Variants in NAV2 observed in about 807,000 individuals in gnomAD.
The protein encoded by NAV2 is neuron navigator 2, also known as helicase, APC down-regulated 1.
In NAV2, 54 loss-of-function variants were observed where a neutral mutation model predicts 223.2. The observed-to-expected ratio is 0.24, with a 90% CI of 0.19 to 0.30. NAV2 has a LOEUF of 0.30. Among genes scored for constraint, NAV2 ranks in the 10% least tolerant of loss-of-function variants. The pLI is 1.00. For synonymous variants in NAV2, 1,279 were observed against 1,239.3 expected, an observed-to-expected ratio of 1.03 and a Z score of -0.67; for missense variants, 2,806 against 3,147.5, an observed-to-expected ratio of 0.89 and a Z score of 2.60.
At chr11:19,514,925 G>A (rs1280246342) in intron 1 of NAV2, among the ~76,000 whole-genome samples, 1 of 152,078 alleles carries the variant, frequency 6.6e-6, no homozygotes, top group Non-Finnish European at 1.5e-5. Flanking sequence ...TCCACCCTTC[G>A]TTTCAAAATG....
intron 4 of NAV2, among the ~76,000 whole-genome samples, chr11:19,873,531 G>A (rs1565471582): frequency 6.6e-6 from 1 of 152,136 alleles, no homozygotes; most frequent in African/African-American, 2.4e-5. Context: ...AGGAGTGTAT[G>A]CTTTGAAGTG....
At chr11:19,824,439 C>T (rs1403127873) in intron 1 of NAV2, among the ~76,000 whole-genome samples, 1 of 152,178 alleles carries the variant, frequency 6.6e-6, no homozygotes, top group Non-Finnish European at 1.5e-5. Flanking sequence ...TGGGGCACTG[C>T]AGGGACATTG....
intron 5 of NAV2, among the ~76,000 whole-genome samples, chr11:19,888,219 A>G (rs556323003): frequency 6.6e-6 from 1 of 152,312 alleles, no homozygotes; most frequent in Non-Finnish European, 1.5e-5. Context: ...GTTTGGACAT[A>G]CAGTGATTAT....
chr11:20,090,637 G>A lies in NAV2; in HGVS notation c.5499-228G>A, dbSNP rs76556609. Reference sequence around the variant, plus strand: ...TAAATAATAATCTAACTATATTAACGATTTTAAACATCAGTGGTCTAAATA... The same window carrying A: ...TAAATAATAATCTAACTATATTAACAATTTTAAACATCAGTGGTCTAAATA... On this transcript the variant is annotated intron_variant, in intron 26 of 37. Transcript: ENST00000349880. Among the ~76,000 whole-genome samples, 66 of 152,186 alleles carry A rather than the reference G, an allele frequency of 4.3e-4. 2 individuals are homozygous for A. The East Asian group carries it at 0.012, about 29-fold the overall frequency.
chr11:20,068,302 C>A, intron 21 of NAV2, 22 bp from the exon 22 acceptor site: 3 of 1,612,936 alleles, frequency 1.9e-6, no homozygotes, highest in Middle Eastern at 1.6e-4. Context: ...AAGCATGTAA[C>A]CCTCTCCCTT....
chr11:19,930,202 C>G (rs2045197704), intron 6 of NAV2, among the ~76,000 whole-genome samples: 1 of 152,090 alleles, frequency 6.6e-6, no homozygotes. Flanking sequence ...TGATATAAAC[C>G]AGGCCTGAGA....
intron 36 of NAV2, among the ~76,000 whole-genome samples, chr11:20,108,606 CTTTT>C (rs5790107): frequency 1.6e-5 from 2 of 121,756 alleles, no homozygotes; most frequent in Non-Finnish European, 3.6e-5. Context: ...CCACACCTGG[CTTTT>C]TTTTTTTTTT....
chr11:19,383,150 C>G (rs912258489), intron 1 of NAV2, among the ~76,000 whole-genome samples: 14 of 152,208 alleles, frequency 9.2e-5, no homozygotes, highest in African/African-American at 3.4e-4. Context: ...ACTAGCATCT[C>G]TATTCTCTCT....
chr11:19,346,647 C>T (rs890207483), upstream of NAV2, among the ~76,000 whole-genome samples: 2 of 152,190 alleles, frequency 1.3e-5, no homozygotes, highest in Admixed American at 6.5e-5. Context: ...GAGCACGCTC[C>T]GCTCGCTCGC....
At chr11:19,541,159 G>T (rs775861399) in intron 1 of NAV2, among the ~76,000 whole-genome samples, 57 of 152,300 alleles carry the variant, frequency 3.7e-4, no homozygotes, top group Non-Finnish European at 6.8e-4. Context: ...ACATGTAATT[G>T]GTTCTTGCAT....
intron 1 of NAV2, among the ~76,000 whole-genome samples, chr11:19,658,434 C>G (rs2048185333): frequency 6.6e-6 from 1 of 152,196 alleles, no homozygotes; most frequent in Non-Finnish European, 1.5e-5. Flanking sequence ...CAAGGTCACA[C>G]AGCTGGAAGG....
intron 1 of NAV2, among the ~76,000 whole-genome samples, chr11:19,704,807 T>C (rs1165166308): frequency 1.3e-5 from 2 of 151,776 alleles, no homozygotes; most frequent in East Asian, 3.9e-4. Flanking sequence ...GGTCAGGAGA[T>C]CAAGACCATC....
chr11:19,832,986 G>A (rs1027769282), intron 2 of NAV2, among the ~76,000 whole-genome samples: 2 of 152,140 alleles, frequency 1.3e-5, no homozygotes, highest in African/African-American at 2.4e-5. Flanking sequence ...AAAAAGTAAC[G>A]TGGGGCTGGT....
Position 20,055,916 on chromosome 11 carries a change from C to G in NAV2, c.4790C>G (p.Thr1597Ser). ...SSMSLDEKSR[T>S]MSRSGSFRDG... is the part of the protein sequence containing the mutation. ...ATGTCCCTGGATGAGAAGAGCAGAA[C>G]CATGAGCCGTTCAGGCTCATTCCGG... The change falls in exon 19 of 38, where the codon ACC (threonine) becomes AGC (serine). Residue 1597 changes from threonine (T) to serine (S), a missense_variant. This residue lies in a region of NAV2 where 824 missense variants were observed against 1,069.4 expected (regional missense o/e 0.77). Transcript: ENST00000349880. The G allele has an allele frequency of 6.2e-7, 1 of 1,614,118 alleles. No homozygotes were observed. The highest frequency in any genetic ancestry group is 1.1e-5 in the South Asian group (1 of 91,082).
chr11:19,935,849 C>CTTTTTTTTTT (rs1565594361), intron 7 of NAV2, among the ~76,000 whole-genome samples: 2 of 69,436 alleles, frequency 2.9e-5, no homozygotes, highest in Non-Finnish European at 6.7e-5. Context: ...TGTTTTGTTT[C>CTTTTTTTTTT]TGTTTTTTTT....
In NAV2 at chr11:19,842,909, A is replaced by G. The variant is rs1234358346; in HGVS notation, c.424A>G (p.Asn142Asp). Residue 142 changes from asparagine (N) to aspartate (D), a missense_variant, in exon 3 of 38, where the codon AAC (asparagine) becomes GAC (aspartate). Asn to Asp is a conservative substitution (Grantham distance 23). Transcript: ENST00000349880. ...TGAAGACATCAATGGCTGTCCGAAG[A>G]ACAGATCCCAAATGGTAAGTGGTGC... ...KIEDINGCPK[N>D]RSQMIENIDA... 6.2e-7 allele frequency: 1 copy of G among 1,613,984 alleles called. No homozygotes were observed. Among genetic ancestry groups the G allele is most frequent in the Admixed American group, 1.7e-5 (1 of 60,020 alleles).
At chr11:19,374,477 C>T (rs1342450215) in intron 1 of NAV2, among the ~76,000 whole-genome samples, 1 of 152,158 alleles carries the variant, frequency 6.6e-6, no homozygotes. Context: ...TCTGGCAACA[C>T]ATATGACACA....
chr11:20,045,019 C>T lies in NAV2; in HGVS notation c.3251C>T (p.Ala1084Val). 6.2e-7 allele frequency: 1 copy of T among 1,614,004 alleles called. No homozygotes were observed. The highest frequency in any genetic ancestry group is 8.5e-7 in the Non-Finnish European group (1 of 1,179,990). The change falls in exon 14 of 38, where the codon GCC becomes GTC. Residue 1084 changes from alanine to valine, a missense_variant. Ala to Val is a moderately conservative substitution (Grantham distance 64). This residue lies in a region of NAV2 where 742 missense variants were observed against 777.9 expected (regional missense o/e 0.95). Transcript: ENST00000349880. ...VSEKGRLSPK[A>V]SQVKRSPSDA... ...GAGAAAGGAAGGCTTTCTCCTAAAG[C>T]CTCCCAGGTGAAGCGCTCCCCATCA...
At chr11:20,036,292 G>A (rs189909932) in intron 12 of NAV2, among the ~76,000 whole-genome samples, 195 bp downstream of exon 12, 1 of 152,342 alleles carries the variant, frequency 6.6e-6, no homozygotes, top group African/African-American at 2.4e-5. Flanking sequence ...GCAGCGGATG[G>A]TGGACACGGG....
Sources: gnomAD v4.1 joint callset for allele counts (sites outside exome capture counted in the v4.1 genomes callset) on GRCh38, gnomAD v4.1.1 for gene constraint, gnomAD v4.1.1 regional missense constraint, MANE v1.5 for transcripts, NCBI Gene and HGNC (gene_info 2026-07-23, HGNC 2026-07-21) for gene names.